The following CYP2J2 variants were observed in gnomAD, a reference collection of about 807,000 sequenced individuals.
CYP2J2 encodes the protein cytochrome P450 2J2.
A neutral mutation model predicts 48.8 loss-of-function variants in CYP2J2; 41 were observed. That is an observed-to-expected ratio of 0.84 (90% CI 0.66 to 1.09). The LOEUF is 1.09. CYP2J2 is among the 50% of genes least tolerant of loss of function. The probability of loss-of-function intolerance (pLI) is 0.00; values close to 1 mark genes in which losing one functional copy is unlikely to be tolerated. For synonymous variants in CYP2J2, 221 were observed against 227.1 expected (o/e 0.97, Z 0.24); for missense variants, 644 against 617.3 (o/e 1.04, Z -0.46).
At chr1:59,961,227 G>T in the CYP2J2 span, among the ~76,000 whole-genome samples, 1 of 152,016 alleles carries the variant, frequency 6.6e-6, no homozygotes, top group Admixed American at 6.5e-5. Context: ...GAAAATATTT[G>T]CAAATCATAC....
At chr1:59,947,498 T>G in the CYP2J2 span, among the ~76,000 whole-genome samples, 2 of 152,158 alleles carry the variant, frequency 1.3e-5, no homozygotes, top group Non-Finnish European at 2.9e-5. Flanking sequence ...TGGGATGCGA[T>G]GGGTTGAGTC....
At chr1:59,949,996 T>C in the CYP2J2 span, among the ~76,000 whole-genome samples, 1 of 152,274 alleles carries the variant, frequency 6.6e-6, no homozygotes, top group South Asian at 2.1e-4. Flanking sequence ...TGGTGAAAAC[T>C]TTTGGGAATG....
chr1:59,959,652 TATATGCAC>T, the CYP2J2 span, among the ~76,000 whole-genome samples: 2 of 152,034 alleles, frequency 1.3e-5, no homozygotes, highest in Non-Finnish European at 2.9e-5. Flanking sequence ...TGTATATACA[TATATGCAC>T]ATATACATAT....
chr1:59,925,999 C>T (rs1429457580), intron 1 of CYP2J2, among the ~76,000 whole-genome samples: 1 of 152,112 alleles, frequency 6.6e-6, no homozygotes, highest in Non-Finnish European at 1.5e-5. Flanking sequence ...AGAAGGGTCC[C>T]AGGTGGTTCA....
At chr1:59,912,568 A>G (rs1644427677) in intron 2 of CYP2J2, 1 of 351,252 alleles carries the variant, frequency 2.8e-6, no homozygotes, top group Admixed American at 4.4e-5. Flanking sequence ...GGATAGGTAC[A>G]ATTATTACCA....
chr1:59,910,505 C>A (rs1293012693), intron 4 of CYP2J2, among the ~76,000 whole-genome samples: 2 of 152,096 alleles, frequency 1.3e-5, no homozygotes, highest in African/African-American at 4.8e-5. Flanking sequence ...TTCTTTTATA[C>A]ACATTTGTAA....
intron 7 of CYP2J2, 71 bp from the exon 8 acceptor site, chr1:59,901,174 A>G: frequency 6.5e-7 from 1 of 1,538,194 alleles, no homozygotes; most frequent in Non-Finnish European, 8.9e-7. Context: ...AGGGGTGGTC[A>G]TCCTCCGGCT....
the CYP2J2 span, among the ~76,000 whole-genome samples, chr1:59,934,232 A>T: frequency 7.9e-3 from 1,203 of 152,266 alleles, 17 homozygotes; most frequent in African/African-American, 0.027. Flanking sequence ...ACAAAAATAA[A>T]CTCAAAATGG....
At position 59,924,234 on chromosome 1, in the gene CYP2J2, A is replaced by G. The variant is rs150259430; in HGVS notation, c.210+2303T>C. 1.4e-4 allele frequency among the ~76,000 whole-genome samples: 21 copies of G among 152,324 alleles called. No individual in the cohort carries two copies. The East Asian group carries it at 4.0e-3, about 29-fold the overall frequency. On this transcript the variant is annotated intron_variant, in intron 1 of 8. Coordinates refer to ENST00000371204, the MANE Select transcript of CYP2J2 (RefSeq NM_000775.4). ...TATACTTCAGAAATGAAGGTGAAAT[A>G]AATACATTCTTAGATGAAGGAAAGC...
the CYP2J2 span, among the ~76,000 whole-genome samples, chr1:59,955,266 ATATATATATATC>A: frequency 8.4e-4 from 21 of 25,112 alleles, no homozygotes; most frequent in Non-Finnish European, 1.6e-3. Flanking sequence ...ATATATATCC[ATATATATATATC>A]CATATATATA....
At chr1:59,962,163 A>G in the CYP2J2 span, among the ~76,000 whole-genome samples, 1 of 152,254 alleles carries the variant, frequency 6.6e-6, no homozygotes, top group Non-Finnish European at 1.5e-5. Flanking sequence ...AAATGAAGGC[A>G]GAATGGAAAC....
the CYP2J2 span, among the ~76,000 whole-genome samples, chr1:59,954,178 A>G: frequency 6.6e-6 from 1 of 152,180 alleles, no homozygotes. Context: ...GGTGACTGCA[A>G]TTACGCAGCT....
the CYP2J2 span, among the ~76,000 whole-genome samples, chr1:59,944,334 C>T: frequency 8.5e-5 from 13 of 152,102 alleles, no homozygotes; most frequent in African/African-American, 2.4e-4. Flanking sequence ...GAGATCCTCC[C>T]GCCTCAGCTC....
the CYP2J2 span, among the ~76,000 whole-genome samples, chr1:59,960,083 G>A: frequency 1.3e-5 from 2 of 152,138 alleles, no homozygotes; most frequent in African/African-American, 4.8e-5. Flanking sequence ...TGGAAGTAAG[G>A]AATGCCTTAA....
chr1:59,908,072 G>T, intron 5 of CYP2J2, 145 bp from the exon 6 acceptor site: 1 of 725,712 alleles, frequency 1.4e-6, no homozygotes, highest in South Asian at 1.8e-5. Context: ...TCTTCAGAAG[G>T]CAGACTCTTA....
the CYP2J2 span, among the ~76,000 whole-genome samples, chr1:59,963,667 C>T: frequency 5.3e-5 from 8 of 152,048 alleles, no homozygotes; most frequent in Non-Finnish European, 7.4e-5. Context: ...GGTATCTGTT[C>T]AACCCGTTTT....
chr1:59,932,719 G>A, the CYP2J2 span, among the ~76,000 whole-genome samples: 2 of 128,744 alleles, frequency 1.6e-5, no homozygotes, highest in African/African-American at 5.6e-5. Flanking sequence ...TTTTTTTTTT[G>A]AGACAGAGTT....
the CYP2J2 span, among the ~76,000 whole-genome samples, chr1:59,947,673 C>T: frequency 6.6e-6 from 1 of 152,170 alleles, no homozygotes; most frequent in East Asian, 1.9e-4. Context: ...TATTCATTGT[C>T]TAAACTGACT....
At chr1:59,914,255 A>G (rs1354391833) in intron 2 of CYP2J2, among the ~76,000 whole-genome samples, 1 of 152,210 alleles carries the variant, frequency 6.6e-6, no homozygotes, top group Non-Finnish European at 1.5e-5. Context: ...TCCATCACTC[A>G]TGCCTAGTAC....
Sources: allele counts gnomAD v4.1 joint callset (sites outside exome capture counted in the v4.1 genomes callset), GRCh38; gene constraint gnomAD v4.1.1; transcripts MANE v1.5; gene names NCBI Gene and HGNC (gene_info 2026-07-23, HGNC 2026-07-21).